Variants in VAC14 observed in about 807,000 individuals in gnomAD.
VAC14 encodes protein VAC14 homolog.
A neutral mutation model predicts 85.3 loss-of-function variants in VAC14; 47 were observed. The ratio of observed to expected loss-of-function variants is 0.55; its 90% CI spans 0.44 to 0.70. VAC14 has a LOEUF of 0.70. Ranked by LOEUF, VAC14 falls within the 30% of genes least tolerant of loss-of-function variation. VAC14 has a pLI of 0.00. For missense variants in VAC14, 861 were observed against 1,004.3 expected, an observed-to-expected ratio of 0.86 and a Z score of 1.93; for synonymous variants, 447 against 430.5, an observed-to-expected ratio of 1.04 and a Z score of -0.47.
At chr16:70,785,007 G>A (rs1215548390) in intron 3 of VAC14, among the ~76,000 whole-genome samples, 169 bp from the exon 4 acceptor site, 1 of 152,250 alleles carries the variant, frequency 6.6e-6, no homozygotes, top group Non-Finnish European at 1.5e-5. Flanking sequence ...GAAAGTGGGA[G>A]TGGGTACAAT....
chr16:70,797,310 G>C (rs529374555), intron 1 of VAC14, among the ~76,000 whole-genome samples: 2 of 152,058 alleles, frequency 1.3e-5, no homozygotes, highest in East Asian at 3.9e-4. Flanking sequence ...GACTCTTCTG[G>C]TTAGGGTTAC....
chr16:70,698,555 C>T, intron 15 of VAC14, 82 bp downstream of exon 15: 1 of 1,548,332 alleles, frequency 6.5e-7, no homozygotes, highest in African/African-American at 1.4e-5. Flanking sequence ...CCTCCTGGGG[C>T]CAGCCGAGGG....
intron 10 of VAC14, chr16:70,769,185 C>T (rs2033037943): frequency 5.9e-6 from 1 of 170,338 alleles, no homozygotes; most frequent in Non-Finnish European, 1.3e-5. Flanking sequence ...AATGGCCACT[C>T]AGAGGCACAG....
At chr16:70,688,798 A>C in intron 18 of VAC14, 10 of 985,568 alleles carry the variant, frequency 1.0e-5, no homozygotes, top group Non-Finnish European at 1.2e-5. Flanking sequence ...TGTCAAGCCC[A>C]GTGCTTAGCT....
At chr16:70,793,915 G>A (rs2034437842) in intron 1 of VAC14, among the ~76,000 whole-genome samples, 1 of 152,166 alleles carries the variant, frequency 6.6e-6, no homozygotes, top group South Asian at 2.1e-4. Flanking sequence ...AACCAACCTA[G>A]GTTGGACCTA....
intron 14 of VAC14, among the ~76,000 whole-genome samples, 184 bp from the exon 15 acceptor site, chr16:70,698,995 G>A (rs540962430): frequency 7.8e-4 from 119 of 152,200 alleles, no homozygotes; most frequent in Middle Eastern, 3.4e-3. Context: ...GGGGAATGCC[G>A]CACCTGCCTC....
At chr16:70,798,868 T>A (rs2034653445) in intron 1 of VAC14, among the ~76,000 whole-genome samples, 1 of 152,148 alleles carries the variant, frequency 6.6e-6, no homozygotes, top group Admixed American at 6.5e-5. Context: ...GGACACCAGC[T>A]GTCAAGTGCT....
chr16:70,756,237 G>A, intron 12 of VAC14: 1 of 352,046 alleles, frequency 2.8e-6, no homozygotes, highest in South Asian at 2.1e-5. Flanking sequence ...GCTGGGCTGA[G>A]GCTCCAGGCA....
rs1337954637 is a variant in VAC14, at chr16:70,762,885, CGAG to C, written c.1298_1300del (p.Pro433del). On this transcript the variant is annotated inframe_deletion, in exon 11 of 19. Coordinates refer to ENST00000261776, the MANE Select transcript of VAC14 (RefSeq NM_018052.5). The surrounding 1 kb of genome is among the most constrained non-coding windows in gnomAD (Gnocchi z 4.1). ...TTGGAGGGGCCCAGGGCTCACCTTC[CGAG>C]GAGTTTTGATGTAGAGGTGGTAGAG... 6.2e-7 allele frequency: 1 copy of C among 1,614,076 alleles called. No homozygotes were observed. The highest frequency in any genetic ancestry group is 1.3e-5 in the African/African-American group (1 of 74,930).
At chr16:70,750,634 A>G (rs961541793) in intron 12 of VAC14, among the ~76,000 whole-genome samples, 2 of 151,992 alleles carry the variant, frequency 1.3e-5, no homozygotes, top group African/African-American at 4.8e-5. Flanking sequence ...ACTTTACACC[A>G]GCAAAGGGCA....
At position 70,794,987 on chromosome 16, in the gene VAC14, C is replaced by A. The variant is rs2143343275; in HGVS notation, c.104+5810G>T. Among the ~76,000 whole-genome samples the A allele has an allele frequency of 1.3e-5, 2 of 152,320 alleles. 1 individual carries two copies. The highest frequency in any genetic ancestry group is 1.3e-4 in the Admixed American group (2 of 15,304). On this transcript the variant is annotated intron_variant, in intron 1 of 18. Coordinates refer to ENST00000261776, the MANE Select transcript of VAC14 (RefSeq NM_018052.5). ...TTCTATGTTCAGATATATTGGGGTA[C>A]ACACATACCACTGTGTTACAACTGC...
At position 70,783,020 on chromosome 16, in the gene VAC14, C is replaced by A; in HGVS notation, c.811+13G>T. The A allele has an allele frequency of 1.2e-6, 2 of 1,613,048 alleles. No individual in the cohort carries two copies. Among genetic ancestry groups the A allele is most frequent in the Non-Finnish European group, 1.7e-6 (2 of 1,179,242 alleles). On this transcript the variant is annotated intron_variant, in intron 7 of 18. Coordinates refer to ENST00000261776, the MANE Select transcript of VAC14 (RefSeq NM_018052.5). The stretch of plus-strand genomic sequence containing the variant: ...GTGGCAGCCGTGGCTGTGGGCCCTC[C>A]CCCAATACTCACCTGTTGTCTGGCA...
chr16:70,715,758 G>A lies in VAC14; in HGVS notation c.1661+15737C>T, dbSNP rs148851237. 6.8e-3 allele frequency: 1,036 copies of A among 152,444 alleles called. 9 individuals carry two copies. The highest frequency in any genetic ancestry group is 8.5e-3 in the Non-Finnish European group (577 of 68,090). The allele number at this position is 152,444 out of a possible 1,614,324, so 9.4% of individuals were successfully genotyped here. A position where few individuals can be genotyped will look rare whatever the true frequency, so the allele number is the denominator to read the frequency against. On this transcript the variant is annotated intron_variant, in intron 14 of 18. Coordinates refer to ENST00000261776, the MANE Select transcript of VAC14 (RefSeq NM_018052.5). Reference sequence around the variant, plus strand: ...GGGGAGGTGTGGGCTAATGGAAGACGCGTATGCGGTGGAGTCGGGGCTGTC... The same window carrying A: ...GGGGAGGTGTGGGCTAATGGAAGACACGTATGCGGTGGAGTCGGGGCTGTC...
intron 12 of VAC14, among the ~76,000 whole-genome samples, chr16:70,751,635 C>T (rs373107718): frequency 2.2e-4 from 33 of 152,360 alleles, no homozygotes; most frequent in African/African-American, 5.3e-4. Flanking sequence ...TATGGAATGG[C>T]TCTTGTTGCC....
At chr16:70,695,953 G>A (rs572730304) in intron 16 of VAC14, 1 of 218,178 alleles carries the variant, frequency 4.6e-6, no homozygotes, top group Non-Finnish European at 9.3e-6. Context: ...CAGCAGGGCT[G>A]CAGCAAGCTT....
intron 14 of VAC14, among the ~76,000 whole-genome samples, chr16:70,728,025 T>C (rs2054481542): frequency 6.6e-6 from 1 of 152,208 alleles, no homozygotes; most frequent in Non-Finnish European, 1.5e-5. Flanking sequence ...GACCCAGTCC[T>C]CTGTGAAAGG....
intron 10 of VAC14, among the ~76,000 whole-genome samples, chr16:70,765,080 CA>C (rs1266506129): frequency 6.6e-6 from 1 of 152,136 alleles, no homozygotes; most frequent in Non-Finnish European, 1.5e-5. Flanking sequence ...AGCAGGTGAA[CA>C]GAAGCCACCC....
chr16:70,691,740 C>G (rs901086140), intron 18 of VAC14: 1 of 985,450 alleles, frequency 1.0e-6, no homozygotes. Flanking sequence ...CTCCAGCTGG[C>G]CTGGGGCAGA....
At chr16:70,795,054 A>AG (rs1403026396) in intron 1 of VAC14, among the ~76,000 whole-genome samples, 6 of 152,228 alleles carry the variant, frequency 3.9e-5, no homozygotes, top group African/African-American at 1.2e-4. Context: ...TTTGTAGACT[A>AG]GGGACAATAG....
Sources: gnomAD v4.1 joint callset for allele counts (sites outside exome capture counted in the v4.1 genomes callset) on GRCh38, gnomAD v4.1.1 for gene constraint, Gnocchi (gnomAD v3.1) non-coding constraint, MANE v1.5 for transcripts, NCBI Gene and HGNC (gene_info 2026-07-23, HGNC 2026-07-21) for gene names.